The following SH3BP5 variants were observed in gnomAD, a reference collection of about 807,000 sequenced individuals.
SH3BP5 encodes the protein SH3 domain-binding protein 5.
SH3BP5 carries 22 observed loss-of-function variants against 43.3 expected under a neutral mutation model. That is an observed-to-expected ratio of 0.51 (90% confidence interval 0.36 to 0.73). SH3BP5 has a LOEUF of 0.73. SH3BP5 is among the 30% of genes least tolerant of loss of function. The pLI, the probability that SH3BP5 is intolerant of heterozygous loss-of-function variation, is 0.00. For synonymous variants in SH3BP5, 255 were observed against 225.8 expected, an observed-to-expected ratio of 1.13 and a Z score of -1.16; for missense variants, 529 against 586.9, an observed-to-expected ratio of 0.90 and a Z score of 1.02.
intron 3 of SH3BP5, among the ~76,000 whole-genome samples, chr3:15,288,991 AGAGATACAGGTAGTTACCATAGATACG>A (rs1697337936): frequency 1.3e-5 from 2 of 152,256 alleles, no homozygotes; most frequent in African/African-American, 2.4e-5. Flanking sequence ...GATGTAGCAG[AGAGATACAGGTAGTTACCATAGATACG>A]GAGATACAGG....
intron 4 of SH3BP5, among the ~76,000 whole-genome samples, chr3:15,269,039 T>C (rs1033574843): frequency 1.3e-5 from 2 of 152,166 alleles, no homozygotes; most frequent in African/African-American, 4.8e-5. Flanking sequence ...TGGTATTTTG[T>C]TTAGTATTTT....
intron 2 of SH3BP5, among the ~76,000 whole-genome samples, chr3:15,324,723 T>C (rs1278463964): frequency 6.6e-6 from 1 of 152,110 alleles, no homozygotes; most frequent in Non-Finnish European, 1.5e-5. Context: ...CACTGTCCTT[T>C]GATAGAGGAA....
At chr3:15,320,640 A>ACACACACCCCCC (rs373879792) in intron 2 of SH3BP5, among the ~76,000 whole-genome samples, 1 of 149,560 alleles carries the variant, frequency 6.7e-6, no homozygotes, top group African/African-American at 2.5e-5. Context: ...ACACACACAC[A>ACACACACCCCCC]CCCCACTACG....
At position 15,255,753 on chromosome 3, in the gene SH3BP5, C is replaced by A. The variant is rs542768241; in HGVS notation, c.*333G>T. The A allele has an allele frequency of 1.8e-4, 38 of 214,590 alleles. No homozygotes were observed. In the East Asian group the frequency reaches 4.0e-3, roughly 22 times the overall value. The allele number at this position is 214,590 out of a possible 1,614,324, so 13.3% of individuals were successfully genotyped here. ...GAAGAGAAAGAGAAGCAAGCTGTTG[C>A]CCCCACTTTGGCCTGGCTTCCCAGC... On this transcript the variant is annotated 3_prime_UTR_variant, in exon 9 of 9. Transcript: ENST00000383791.
intron 1 of SH3BP5, among the ~76,000 whole-genome samples, chr3:15,338,903 A>G (rs765022694): frequency 3.3e-5 from 5 of 152,190 alleles, no homozygotes. Flanking sequence ...GGCAGGCCAC[A>G]CACAGGTAAA....
intron 3 of SH3BP5, among the ~76,000 whole-genome samples, chr3:15,281,722 GCC>G (rs1697135017): frequency 6.6e-6 from 1 of 152,228 alleles, no homozygotes; most frequent in Non-Finnish European, 1.5e-5. Context: ...AACATTTTGG[GCC>G]AGGTGCAGTG....
chr3:15,273,430 T>C lies in SH3BP5; in HGVS notation c.331-3553A>G, dbSNP rs11921297. On this transcript the variant is annotated intron_variant, in intron 3 of 8. Coordinates refer to ENST00000383791, the MANE Select transcript of SH3BP5 (RefSeq NM_004844.5). ...TCTACAAAGGAAAAGAGGAAGCCCA[T>C]GTGAAGCTGCCTTTGAGAAGAACAT... 7,536 of 984,688 alleles carry C rather than the reference T, an allele frequency of 7.7e-3. 417 individuals are homozygous for C. The African/African-American group carries it at 0.12, about 15-fold the overall frequency. 61.0% of individuals were successfully genotyped at this position (984,688 alleles called of 1,614,324 possible).
At chr3:15,288,216 C>T (rs1444910258) in intron 3 of SH3BP5, among the ~76,000 whole-genome samples, 5 of 152,204 alleles carry the variant, frequency 3.3e-5, no homozygotes, top group East Asian at 3.8e-4. Flanking sequence ...GGAGGGCAAT[C>T]GGCTTTACTC....
chr3:15,259,942 G>T, intron 5 of SH3BP5, 139 bp from the exon 6 acceptor site: 1 of 747,240 alleles, frequency 1.3e-6, no homozygotes, highest in East Asian at 2.6e-5. Flanking sequence ...ACAAGGCCGT[G>T]ACATGTCAGT....
In SH3BP5 at chr3:15,332,263, C is replaced by A. The variant is rs770748727; in HGVS notation, c.138+8G>T. The A allele has an allele frequency of 6.4e-7, 1 of 1,551,796 alleles. No homozygotes were observed. Among genetic ancestry groups the A allele is most frequent in the Non-Finnish European group, 8.7e-7 (1 of 1,150,954 alleles). On this transcript the variant is annotated splice_region_variant and intron_variant, in intron 1 of 8. Transcript: ENST00000383791. The stretch of plus-strand genomic sequence containing the variant: ...AGCCCGGATGCGGGGCGACCCCGCG[C>A]GCCCTACCTGGATCCGGGGATCCAC...
At chr3:15,277,172 T>C (rs546123747) in intron 3 of SH3BP5, among the ~76,000 whole-genome samples, 15 of 152,244 alleles carry the variant, frequency 9.9e-5, no homozygotes, top group African/African-American at 3.6e-4. Flanking sequence ...ACAACGGGGT[T>C]TCACCATGTT....
Position 15,258,818 on chromosome 3 carries a change from G to A in SH3BP5, c.889+13C>T, listed in dbSNP as rs771706575. 2.5e-6 allele frequency: 4 copies of A among 1,604,176 alleles called. No individual in the cohort carries two copies. The highest frequency in any genetic ancestry group is 3.3e-5 in the Admixed American group (2 of 60,020). ...GATATCTCCCCACATACCCAGTGGA[G>A]CCCCTGACTTACCAGAAATGGCATC... On this transcript the variant is annotated intron_variant, in intron 7 of 8. Transcript: ENST00000383791.
chr3:15,302,835 T>G (rs7643936), intron 3 of SH3BP5, among the ~76,000 whole-genome samples: 61,753 of 150,674 alleles, frequency 0.41, 13,140 homozygotes, highest in East Asian at 0.58. Context: ...CTGAGACACA[T>G]TTGTGCTCTG....
intron 2 of SH3BP5, 89 bp from the exon 3 acceptor site, chr3:15,304,320 A>C: frequency 6.2e-7 from 1 of 1,600,652 alleles, no homozygotes; most frequent in Non-Finnish European, 8.5e-7. Context: ...ACATCAACAA[A>C]GGACTTTACC....
intron 2 of SH3BP5, among the ~76,000 whole-genome samples, chr3:15,327,538 A>G (rs1698494992): frequency 6.6e-6 from 1 of 152,230 alleles, no homozygotes. Flanking sequence ...GCTCCCCTGC[A>G]GGCATCTGCT....
chr3:15,316,018 T>C lies in SH3BP5; in HGVS notation c.202-11787A>G, dbSNP rs111297646. On this transcript the variant is annotated intron_variant, in intron 2 of 8. Coordinates refer to ENST00000383791, the MANE Select transcript of SH3BP5 (RefSeq NM_004844.5). ...AATCTGGTCTACAACTTTCTCCAAA[T>C]TGCATCAATTGTCCCACTAAATTCT... Among the ~76,000 whole-genome samples, 713 of 152,182 alleles carry C rather than the reference T, an allele frequency of 4.7e-3. 1 individual carries two copies. Among genetic ancestry groups the C allele is most frequent in the Non-Finnish European group, 6.5e-3 (439 of 68,006 alleles).
intron 3 of SH3BP5, among the ~76,000 whole-genome samples, chr3:15,292,472 C>T (rs1347238931): frequency 6.6e-6 from 1 of 152,204 alleles, no homozygotes; most frequent in Non-Finnish European, 1.5e-5. Flanking sequence ...TAAGACCTGC[C>T]TGCAACCAGT....
chr3:15,280,235 C>A (rs1006827201), intron 3 of SH3BP5, among the ~76,000 whole-genome samples: 2 of 152,140 alleles, frequency 1.3e-5, no homozygotes, highest in African/African-American at 4.8e-5. Context: ...TCCTGCCCAC[C>A]CTAGCCAGAA....
rs941003115 is a variant in SH3BP5 at position 15,254,696 on chromosome 3, T to TAAAC, written c.*1386_*1389dup. On this transcript the variant is annotated 3_prime_UTR_variant, in exon 9 of 9. Transcript: ENST00000383791. Reference sequence around the variant, plus strand: ...AGCAAAAGTAGAATTCAAACCTTGGTAAACAAGGCTTAAATTATTACTGTT... The same window carrying TAAAC: ...AGCAAAAGTAGAATTCAAACCTTGGTAAACAAACAAGGCTTAAATTATTACTGTT... 17 of 152,224 alleles carry TAAAC rather than the reference T, an allele frequency of 1.1e-4. No individual in the cohort carries two copies. The highest frequency in any genetic ancestry group is 4.6e-4 in the Admixed American group (7 of 15,282). 9.4% of individuals were successfully genotyped at this position (152,224 alleles called of 1,614,324 possible).
Sources: gnomAD v4.1 joint callset for allele counts (sites outside exome capture counted in the v4.1 genomes callset) on GRCh38, gnomAD v4.1.1 for gene constraint, MANE v1.5 for transcripts, NCBI Gene and HGNC (gene_info 2026-07-23, HGNC 2026-07-21) for gene names.